The following GRID1 variants were observed in gnomAD, a reference collection of about 807,000 sequenced individuals.
GRID1 encodes glutamate ionotropic receptor delta type subunit 1.
In GRID1, 28 loss-of-function variants were observed where a neutral mutation model predicts 98.0. The ratio of observed to expected loss-of-function variants is 0.29; its 90% CI spans 0.21 to 0.39. The LOEUF (loss-of-function observed/expected upper bound fraction) is 0.39, where lower values mean the gene tolerates loss of function less well. GRID1 is among the 10% of genes least tolerant of loss of function. GRID1 has a pLI of 1.00. For missense variants in GRID1, 1,111 were observed against 1,340.5 expected (o/e 0.83, Z 2.67); for synonymous variants, 553 against 538.5 (o/e 1.03, Z -0.37).
At chr10:85,926,811 G>GT (rs1841780424) in intron 4 of GRID1, among the ~76,000 whole-genome samples, 1 of 152,146 alleles carries the variant, frequency 6.6e-6, no homozygotes, top group Non-Finnish European at 1.5e-5. Context: ...TCCTCACATC[G>GT]TGTGAGTGAG....
intron 4 of GRID1, among the ~76,000 whole-genome samples, chr10:86,044,833 GC>G (rs1446621948): frequency 6.6e-6 from 1 of 152,192 alleles, no homozygotes; most frequent in Non-Finnish European, 1.5e-5. Context: ...TCTCATACAG[GC>G]CAAAAGTACA....
intron 5 of GRID1, among the ~76,000 whole-genome samples, chr10:85,883,284 G>A (rs1465788358): frequency 1.3e-5 from 2 of 151,704 alleles, no homozygotes; most frequent in African/African-American, 4.8e-5. Context: ...TTTCTATTTT[G>A]CTTTTTAAAT....
intron 12 of GRID1, among the ~76,000 whole-genome samples, chr10:85,658,203 G>C (rs192881486): frequency 1.3e-5 from 2 of 152,108 alleles, no homozygotes; most frequent in African/African-American, 4.8e-5. Flanking sequence ...GCTAATATTA[G>C]TTTTCACCAT....
At chr10:86,264,777 AAC>A (rs1210140422) in intron 2 of GRID1, 1 of 492,554 alleles carries the variant, frequency 2.0e-6, no homozygotes, top group Non-Finnish European at 4.2e-6. Context: ...ACAGACGCCC[AAC>A]ACAGAGACCT....
chr10:86,008,886 GCA>G, intron 4 of GRID1, among the ~76,000 whole-genome samples: 1 of 152,106 alleles, frequency 6.6e-6, no homozygotes, highest in East Asian at 1.9e-4. Flanking sequence ...AGAAACTCTT[GCA>G]CATGTACAGC....
chr10:86,073,572 T>A (rs117369333), intron 4 of GRID1, among the ~76,000 whole-genome samples: 6,622 of 151,758 alleles, frequency 0.044, 166 homozygotes, highest in Middle Eastern at 0.068. Context: ...ATCCAGGGGG[T>A]GAAGGAGGCT....
chr10:86,009,858 T>C (rs558674165), intron 4 of GRID1, among the ~76,000 whole-genome samples: 2 of 152,298 alleles, frequency 1.3e-5, no homozygotes, highest in East Asian at 3.9e-4. Flanking sequence ...AGATGGGTCA[T>C]AGTCATTAGC....
At chr10:86,134,144 C>T (rs1001414227) in intron 4 of GRID1, among the ~76,000 whole-genome samples, 7 of 152,222 alleles carry the variant, frequency 4.6e-5, no homozygotes, top group African/African-American at 1.7e-4. Context: ...AGCCCTGGGG[C>T]ACAGCTGCTC....
At chr10:86,002,946 C>T (rs1842818537) in intron 4 of GRID1, among the ~76,000 whole-genome samples, 2 of 152,204 alleles carry the variant, frequency 1.3e-5, no homozygotes, top group African/African-American at 2.4e-5. Flanking sequence ...TCTCAAGGTA[C>T]AGCAAGATCT....
intron 2 of GRID1, among the ~76,000 whole-genome samples, chr10:86,357,757 G>A (rs1271878829): frequency 3.9e-5 from 6 of 152,158 alleles, no homozygotes; most frequent in African/African-American, 1.4e-4. Flanking sequence ...GGGCTTGTGG[G>A]GAATCCAGAG....
At chr10:86,311,724 G>A (rs1322128319) in intron 2 of GRID1, among the ~76,000 whole-genome samples, 2 of 152,208 alleles carry the variant, frequency 1.3e-5, no homozygotes, top group African/African-American at 4.8e-5. Flanking sequence ...GTTTAGGCAT[G>A]GTGGCTCACG....
At chr10:85,722,871 T>C (rs892709333) in intron 12 of GRID1, 132 bp downstream of exon 12, 168 of 541,458 alleles carry the variant, frequency 3.1e-4, no homozygotes, top group Non-Finnish European at 5.6e-5. Flanking sequence ...CTCCATGCAC[T>C]AAAGATTCCA....
At chr10:85,687,791 T>C (rs1331725784) in intron 12 of GRID1, among the ~76,000 whole-genome samples, 5 of 152,144 alleles carry the variant, frequency 3.3e-5, no homozygotes, top group African/African-American at 1.2e-4. Flanking sequence ...AAGAGCAGGC[T>C]TTCACCTGGA....
intron 8 of GRID1, among the ~76,000 whole-genome samples, chr10:85,830,632 C>T (rs1275842801): frequency 6.6e-6 from 1 of 151,778 alleles, no homozygotes; most frequent in Non-Finnish European, 1.5e-5. Flanking sequence ...CAAAAGACAA[C>T]CCCATTAAAA....
At chr10:85,947,134 G>A (rs997778512) in intron 4 of GRID1, among the ~76,000 whole-genome samples, 3 of 152,190 alleles carry the variant, frequency 2.0e-5, no homozygotes, top group Admixed American at 6.5e-5. Flanking sequence ...CAGCATGGCC[G>A]TGGCTGCATT....
chr10:85,780,041 T>G (rs984071497), intron 8 of GRID1, among the ~76,000 whole-genome samples: 7 of 152,200 alleles, frequency 4.6e-5, no homozygotes, highest in Non-Finnish European at 1.0e-4. Context: ...CTAGCCCATG[T>G]CATGTGCTCC....
chr10:85,983,792 GCTCTCC>G (rs909495417), intron 4 of GRID1, among the ~76,000 whole-genome samples: 1 of 152,162 alleles, frequency 6.6e-6, no homozygotes, highest in Non-Finnish European at 1.5e-5. Context: ...TTGCTCAGGG[GCTCTCC>G]CTCCCCAAGC....
intron 4 of GRID1, among the ~76,000 whole-genome samples, chr10:86,067,560 G>C (rs1184832128): frequency 1.3e-5 from 2 of 152,232 alleles, no homozygotes; most frequent in Admixed American, 6.5e-5. Flanking sequence ...TGGGATAAAA[G>C]GTTTTAAAAT....
chr10:85,811,062 C>T (rs1842666970), intron 8 of GRID1, among the ~76,000 whole-genome samples: 1 of 152,144 alleles, frequency 6.6e-6, no homozygotes. Context: ...AGCAAGCCCA[C>T]CCCTGAAGAA....
Sources: gnomAD v4.1 joint callset for allele counts (sites outside exome capture counted in the v4.1 genomes callset) on GRCh38, gnomAD v4.1.1 for gene constraint, MANE v1.5 for transcripts, NCBI Gene and HGNC (gene_info 2026-07-23, HGNC 2026-07-21) for gene names.